Variants in AR observed in about 807,000 individuals in gnomAD.
The protein encoded by AR is androgen receptor, also known as dihydrotestosterone receptor.
In AR, 8 loss-of-function variants were observed where a neutral mutation model predicts 53.9. The ratio of observed to expected loss-of-function variants is 0.15; its 90% CI spans 0.09 to 0.27. AR has a LOEUF of 0.27. Ranked by LOEUF, AR falls within the 10% of genes least tolerant of loss-of-function variation. The probability of loss-of-function intolerance (pLI) is 1.00; values close to 1 mark genes in which losing one functional copy is unlikely to be tolerated. For synonymous variants in AR, 359 were observed against 316.4 expected, an observed-to-expected ratio of 1.13 and a Z score of -1.43; for missense variants, 639 against 742.5, an observed-to-expected ratio of 0.86 and a Z score of 1.62.
chrX:67,690,669 C>G (rs2075990969), intron 3 of AR, among the ~76,000 whole-genome samples: 1 of 112,094 alleles, frequency 8.9e-6, no homozygotes. Context: ...GCCAGACACT[C>G]TGCTAGGCAT....
chrX:67,610,435 A>G (rs968430378), intron 1 of AR, among the ~76,000 whole-genome samples: 1 of 111,011 alleles, frequency 9.0e-6, no homozygotes, highest in African/African-American at 3.3e-5. Flanking sequence ...AGGTATGAAA[A>G]TTTAGAAGTT....
intron 1 of AR, among the ~76,000 whole-genome samples, chrX:67,591,337 T>TG (rs982934387): frequency 3.7e-5 from 4 of 107,437 alleles, no homozygotes; most frequent in African/African-American, 1.4e-4. Flanking sequence ...AAAAAAGAAG[T>TG]GAAAAAAAAA....
chrX:67,565,351 C>CT (rs1228783084), intron 1 of AR, among the ~76,000 whole-genome samples: 6 of 111,920 alleles, frequency 5.4e-5, no homozygotes, highest in Non-Finnish European at 1.1e-4. Flanking sequence ...ACCTAGTTCT[C>CT]TTTTTTCCTT....
In AR at chrX:67,689,127, C is replaced by T. The variant is rs767773061; in HGVS notation, c.1885+3001C>T. Among the ~76,000 whole-genome samples, 11 of 111,310 alleles carry T rather than the reference C, an allele frequency of 9.9e-5. No homozygotes were observed. In the East Asian group the frequency reaches 3.2e-3, roughly 32 times the overall value. ...ACTGGAATTGTGGCTTCACCGAGGA[C>T]CTTTCTGGTGCTAACATTTTGTGAT... On this transcript the variant is annotated intron_variant, in intron 3 of 7. Transcript: ENST00000374690.
At chrX:67,718,387 C>T (rs2076122179) in intron 5 of AR, among the ~76,000 whole-genome samples, 1 of 111,513 alleles carries the variant, frequency 9.0e-6, no homozygotes, top group Admixed American at 9.5e-5. Context: ...GCCAGTGGCT[C>T]AGATTTTGGA....
At chrX:67,697,136 T>C (rs768811428) in intron 3 of AR, among the ~76,000 whole-genome samples, 1 of 111,764 alleles carries the variant, frequency 8.9e-6, no homozygotes, top group East Asian at 2.8e-4. Flanking sequence ...GGAAGTGGGG[T>C]GCTTGGAGCC....
At chrX:67,610,280 A>G (rs1944404598) in intron 1 of AR, among the ~76,000 whole-genome samples, 1 of 111,804 alleles carries the variant, frequency 8.9e-6, no homozygotes, top group Non-Finnish European at 1.9e-5. Flanking sequence ...AATTAATGTC[A>G]TAAAGGTCTC....
At chrX:67,636,385 T>C (rs1186008191) in intron 1 of AR, among the ~76,000 whole-genome samples, 1 of 112,098 alleles carries the variant, frequency 8.9e-6, no homozygotes, top group African/African-American at 3.2e-5. Context: ...TTGCTTTTGC[T>C]TCTTTTTAAA....
rs1275891364 is a variant in AR, at chrX:67,711,700, G to A, written c.2173+11G>A. 1.7e-6 allele frequency: 2 copies of A among 1,198,080 alleles called. No homozygotes were observed. The highest frequency in any genetic ancestry group is 2.3e-6 in the Non-Finnish European group (2 of 888,485). ...CCAAGGCCTTGCCTGGTAAGGAAAA[G>A]GGAAGTGGGAGCATGAGATAAGGGG... On this transcript the variant is annotated intron_variant, in intron 4 of 7. Transcript: ENST00000374690.
intron 3 of AR, among the ~76,000 whole-genome samples, chrX:67,696,339 T>C (rs1001510188): frequency 1.1e-4 from 12 of 111,380 alleles, no homozygotes; most frequent in Non-Finnish European, 2.3e-4. Flanking sequence ...CAATTTCATA[T>C]GAGCAGGTTT....
At chrX:67,630,949 T>C (rs4618851) in intron 1 of AR, among the ~76,000 whole-genome samples, 7,610 of 110,867 alleles carry the variant, frequency 0.069, 667 homozygotes, top group African/African-American at 0.24. Flanking sequence ...CTTTTCTTTA[T>C]GAATGTTGAA....
chrX:67,657,767 A>G (rs1191388327), intron 2 of AR, among the ~76,000 whole-genome samples: 8 of 112,115 alleles, frequency 7.1e-5, no homozygotes, highest in Admixed American at 4.8e-4. Flanking sequence ...ATGCATGCAT[A>G]TAATTTATAG....
Position 67,658,250 on chromosome X carries a change from A to G in AR, c.1768+14843A>G, listed in dbSNP as rs183353331. ...AGAGAAAATTCTTATGTAGAATAGG[A>G]AGGCTTAGATACAGCATGAAAGCTG... On this transcript the variant is annotated intron_variant, in intron 2 of 7. Coordinates refer to ENST00000374690, the MANE Select transcript of AR (RefSeq NM_000044.6). 2.7e-4 allele frequency among the ~76,000 whole-genome samples: 30 copies of G among 112,168 alleles called. No individual in the cohort carries two copies. The East Asian group carries it at 8.5e-3, about 32-fold the overall frequency.
chrX:67,658,080 C>T (rs1926673200), intron 2 of AR, among the ~76,000 whole-genome samples: 1 of 112,051 alleles, frequency 8.9e-6, no homozygotes, highest in African/African-American at 3.2e-5. Flanking sequence ...TTTTGGAAGG[C>T]TTTGCCTCCT....
intron 2 of AR, among the ~76,000 whole-genome samples, chrX:67,673,986 G>A (rs765412133): frequency 1.4e-3 from 152 of 110,839 alleles, no homozygotes; most frequent in African/African-American, 4.9e-3. Context: ...CTTAGTCTTT[G>A]GTCACTGCAG....
intron 2 of AR, among the ~76,000 whole-genome samples, chrX:67,669,404 A>T (rs1247598091): frequency 8.9e-6 from 1 of 111,823 alleles, no homozygotes; most frequent in African/African-American, 3.2e-5. Context: ...GTCAGAGAAG[A>T]AGCTTGATAT....
intron 1 of AR, among the ~76,000 whole-genome samples, chrX:67,604,804 T>TA (rs1923554116): frequency 8.9e-6 from 1 of 111,974 alleles, no homozygotes; most frequent in South Asian, 3.7e-4. Flanking sequence ...ATCAAATAAT[T>TA]ATGGTACAGA....
At chrX:67,587,244 T>C (rs1922591589) in intron 1 of AR, among the ~76,000 whole-genome samples, 1 of 112,355 alleles carries the variant, frequency 8.9e-6, no homozygotes, top group Admixed American at 9.4e-5. Flanking sequence ...CTGGGGAATG[T>C]GGTGCCAACG....
intron 1 of AR, among the ~76,000 whole-genome samples, chrX:67,630,293 A>G (rs1204865831): frequency 4.5e-5 from 5 of 110,982 alleles, no homozygotes; most frequent in Middle Eastern, 4.3e-3. Flanking sequence ...GTAGGTCACT[A>G]AGGACTTGCT....
Sources: gnomAD v4.1 joint callset for allele counts (sites outside exome capture counted in the v4.1 genomes callset) on GRCh38, gnomAD v4.1.1 for gene constraint, MANE v1.5 for transcripts, NCBI Gene and HGNC (gene_info 2026-07-23, HGNC 2026-07-21) for gene names.